Variants in IRAK3 observed in about 807,000 individuals in gnomAD.
The protein encoded by IRAK3 is interleukin-1 receptor-associated kinase 3.
IRAK3 carries 57 observed loss-of-function variants against 56.6 expected under a neutral mutation model. That is an observed-to-expected ratio of 1.01 (90% CI 0.81 to 1.26). IRAK3 has a LOEUF of 1.26. Ranked by LOEUF, IRAK3 falls within the 50% of genes most tolerant of loss-of-function variation. The pLI is 0.00. For synonymous variants in IRAK3, 258 were observed against 255.7 expected (o/e 1.01, Z -0.09); for missense variants, 703 against 719.0 (o/e 0.98, Z 0.25).
chr12:66,191,676 G>T (rs2052401200), intron 1 of IRAK3, among the ~76,000 whole-genome samples: 1 of 152,146 alleles, frequency 6.6e-6, no homozygotes, highest in Admixed American at 6.5e-5. Context: ...TGAGGCAACT[G>T]CCTGTGCTAA....
chr12:66,235,074 T>G, intron 8 of IRAK3: 3 of 1,613,272 alleles, frequency 1.9e-6, no homozygotes, highest in Non-Finnish European at 2.5e-6. Context: ...TCCTGGTCGG[T>G]GGTGTGGGGA....
chr12:66,235,055 T>C, intron 8 of IRAK3: 1 of 1,613,392 alleles, frequency 6.2e-7, no homozygotes, highest in Non-Finnish European at 8.5e-7. Context: ...TTGACAGAGC[T>C]TCACCAGGTC....
chr12:66,218,336 C>T (rs1012865391), intron 6 of IRAK3, among the ~76,000 whole-genome samples: 4 of 152,040 alleles, frequency 2.6e-5, no homozygotes, highest in African/African-American at 9.6e-5. Flanking sequence ...AGATTTGTTC[C>T]AATATTTTAT....
chr12:66,228,909 G>A (rs946424858), intron 8 of IRAK3, among the ~76,000 whole-genome samples: 21 of 152,178 alleles, frequency 1.4e-4, no homozygotes, highest in East Asian at 3.8e-4. Flanking sequence ...TGGGATGTTC[G>A]GTAGGTTAGG....
intron 1 of IRAK3, among the ~76,000 whole-genome samples, chr12:66,190,359 C>A (rs2052387689): frequency 6.7e-6 from 1 of 149,930 alleles, no homozygotes. Context: ...ATATTTTAAG[C>A]TCTGTAATTT....
chr12:66,198,080 A>G, intron 1 of IRAK3: 8 of 985,236 alleles, frequency 8.1e-6, no homozygotes, highest in Non-Finnish European at 7.2e-6. Flanking sequence ...CTTTTTATGT[A>G]TAAATATTTT....
intron 8 of IRAK3, among the ~76,000 whole-genome samples, chr12:66,238,493 C>T (rs1322874144): frequency 6.6e-6 from 1 of 152,162 alleles, no homozygotes; most frequent in African/African-American, 2.4e-5. Flanking sequence ...GTCCAATCAT[C>T]ATGCACTTTT....
chr12:66,235,214 G>C lies in IRAK3; in HGVS notation c.887+6844G>C, dbSNP rs866126018. ...GGCCATGGGGTGGGCTGGGACCAGA[G>C]ACTGCTGCTTGCGATAGGGCGTCCG... On this transcript the variant is annotated intron_variant, in intron 8 of 11. Coordinates refer to ENST00000261233, the MANE Select transcript of IRAK3 (RefSeq NM_007199.3). The C allele has an allele frequency of 7.7e-5, 124 of 1,612,384 alleles. No individual in the cohort carries two copies. The Middle Eastern group carries it at 1.2e-3, about 16-fold the overall frequency.
At chr12:66,230,447 G>A (rs1236755565) in intron 8 of IRAK3, among the ~76,000 whole-genome samples, 1 of 152,174 alleles carries the variant, frequency 6.6e-6, no homozygotes. Context: ...TGAAGCTGGG[G>A]TGGCGCATCA....
At chr12:66,210,753 A>C (rs2136924471) in intron 4 of IRAK3, among the ~76,000 whole-genome samples, 1 of 152,338 alleles carries the variant, frequency 6.6e-6, no homozygotes, top group Admixed American at 6.5e-5. Context: ...TCATTGAAAA[A>C]AGAATTAGGA....
chr12:66,218,429 CATAA>C (rs1363147607), intron 6 of IRAK3, among the ~76,000 whole-genome samples: 2 of 152,194 alleles, frequency 1.3e-5, no homozygotes, highest in East Asian at 3.9e-4. Context: ...AATAAATTCT[CATAA>C]ATAAAATTAT....
At chr12:66,195,426 C>T (rs766590719) in intron 1 of IRAK3, among the ~76,000 whole-genome samples, 5 of 152,300 alleles carry the variant, frequency 3.3e-5, no homozygotes, top group Non-Finnish European at 5.9e-5. Context: ...CATATGCTAT[C>T]ATTGCCCTAT....
intron 1 of IRAK3, 68 bp from the exon 2 acceptor site, chr12:66,203,643 T>C: frequency 7.4e-7 from 1 of 1,347,152 alleles, no homozygotes. Context: ...AAACATTAGG[T>C]ACACAAAAAC....
chr12:66,195,174 T>C (rs1441045132), intron 1 of IRAK3, among the ~76,000 whole-genome samples: 2 of 152,224 alleles, frequency 1.3e-5, no homozygotes, highest in East Asian at 3.8e-4. Flanking sequence ...TGTCACTTTC[T>C]CTCACAAACC....
chr12:66,195,106 A>G (rs2052438682), intron 1 of IRAK3, among the ~76,000 whole-genome samples: 1 of 152,202 alleles, frequency 6.6e-6, no homozygotes, highest in African/African-American at 2.4e-5. Context: ...TTCCCATCTC[A>G]GTAATGGCAG....
chr12:66,207,391 G>C (rs1362229140), intron 2 of IRAK3, among the ~76,000 whole-genome samples: 1 of 151,946 alleles, frequency 6.6e-6, no homozygotes, highest in African/African-American at 2.4e-5. Context: ...AGAATTGCTT[G>C]AACCTGGGAG....
chr12:66,227,761 CAA>C (rs34349535), intron 7 of IRAK3, among the ~76,000 whole-genome samples: 126 of 107,832 alleles, frequency 1.2e-3, no homozygotes, highest in Admixed American at 1.4e-3. Context: ...GACCTTGTCT[CAA>C]AAAAAAAAAA....
chr12:66,240,120 G>A (rs986954081), intron 8 of IRAK3, among the ~76,000 whole-genome samples: 1 of 152,170 alleles, frequency 6.6e-6, no homozygotes, highest in African/African-American at 2.4e-5. Flanking sequence ...ATGGACAATG[G>A]CCAGCCTATA....
intron 8 of IRAK3, among the ~76,000 whole-genome samples, chr12:66,242,760 A>G (rs765134111): frequency 6.6e-6 from 1 of 152,238 alleles, no homozygotes; most frequent in Non-Finnish European, 1.5e-5. Flanking sequence ...AATAAAGTTT[A>G]AAATGTGTCT....
Sources: gnomAD v4.1 joint callset for allele counts (sites outside exome capture counted in the v4.1 genomes callset) on GRCh38, gnomAD v4.1.1 for gene constraint, MANE v1.5 for transcripts, NCBI Gene and HGNC (gene_info 2026-07-23, HGNC 2026-07-21) for gene names.